MTSS1: variants seen among roughly 807,000 people sequenced by gnomAD.
MTSS1 encodes MTSS I-BAR domain containing 1, also known as protein MTSS 1.
MTSS1 carries 18 observed loss-of-function variants against 79.0 expected under a neutral mutation model. The ratio of observed to expected loss-of-function variants is 0.23; its 90% CI spans 0.16 to 0.34. The LOEUF (loss-of-function observed/expected upper bound fraction) is 0.34, where lower values mean the gene tolerates loss of function less well. Among genes scored for constraint, MTSS1 ranks in the 10% least tolerant of loss-of-function variants. MTSS1 has a pLI of 1.00. For missense variants in MTSS1, 815 were observed against 986.2 expected (o/e 0.83, Z 2.33); for synonymous variants, 341 against 368.6 (o/e 0.93, Z 0.86).
At chr8:124,567,378 TGGA>T (rs1368349124) in intron 7 of MTSS1, among the ~76,000 whole-genome samples, 200 bp from the exon 8 acceptor site, 6 of 152,240 alleles carry the variant, frequency 3.9e-5, no homozygotes, top group Non-Finnish European at 7.3e-5. Context: ...TCTGCCATAA[TGGA>T]GGAGTGACCT....
chr8:124,599,899 G>A (rs973435239), intron 3 of MTSS1, among the ~76,000 whole-genome samples: 11 of 152,148 alleles, frequency 7.2e-5, no homozygotes, highest in African/African-American at 2.4e-4. Context: ...TGAGCAGGAG[G>A]ATAAGCAGAG....
intron 3 of MTSS1, among the ~76,000 whole-genome samples, chr8:124,693,119 G>A (rs747781201): frequency 6.6e-6 from 1 of 152,064 alleles, no homozygotes; most frequent in Non-Finnish European, 1.5e-5. Context: ...CAAACAGGGT[G>A]AAGAAGGGGA....
At chr8:124,596,862 C>T (rs35314147) in intron 3 of MTSS1, among the ~76,000 whole-genome samples, 9,130 of 152,128 alleles carry the variant, frequency 0.06, 378 homozygotes, top group East Asian at 0.17. Context: ...CCATAAGACA[C>T]GTGTGAAGGC....
chr8:124,695,865 TTG>T (rs1491296404), intron 3 of MTSS1, among the ~76,000 whole-genome samples: 89 of 106,988 alleles, frequency 8.3e-4, no homozygotes, highest in Middle Eastern at 9.1e-3. Context: ...AAAACTAGTG[TTG>T]TTTTTTTTTT....
At chr8:124,556,175 G>A (rs757493607) in intron 12 of MTSS1, 57 bp downstream of exon 12, 4 of 1,611,078 alleles carry the variant, frequency 2.5e-6, no homozygotes, top group African/African-American at 1.3e-5. Flanking sequence ...TGGCCAGAAT[G>A]TGATCCCCAG....
intron 3 of MTSS1, among the ~76,000 whole-genome samples, chr8:124,651,004 ATATATT>A (rs772248348): frequency 7.5e-4 from 114 of 152,378 alleles, no homozygotes; most frequent in Non-Finnish European, 1.4e-3. Flanking sequence ...AAATAACTTA[ATATATT>A]TAAAGTGCTT....
chr8:124,577,441 G>T (rs6998800), intron 6 of MTSS1, among the ~76,000 whole-genome samples: 1,699 of 152,210 alleles, frequency 0.011, 26 homozygotes, highest in African/African-American at 0.031. Context: ...GTAGAGATAG[G>T]GTTTTGCCAT....
intron 3 of MTSS1, among the ~76,000 whole-genome samples, chr8:124,616,669 C>A (rs1836931668): frequency 6.6e-6 from 1 of 152,184 alleles, no homozygotes; most frequent in Non-Finnish European, 1.5e-5. Flanking sequence ...TCTTCAGCAA[C>A]TTCCCTGTCT....
chr8:124,665,944 C>A (rs1422457009), intron 3 of MTSS1, among the ~76,000 whole-genome samples: 1 of 151,966 alleles, frequency 6.6e-6, no homozygotes, highest in African/African-American at 2.4e-5. Context: ...TGATGAGTCT[C>A]ACGATTTTGG....
chr8:124,687,998 C>A (rs1827260277), intron 3 of MTSS1, among the ~76,000 whole-genome samples: 1 of 152,174 alleles, frequency 6.6e-6, no homozygotes, highest in African/African-American at 2.4e-5. Flanking sequence ...GGAAGTACCA[C>A]CCGGGCGGCT....
intron 3 of MTSS1, among the ~76,000 whole-genome samples, chr8:124,695,841 T>G (rs1417499737): frequency 6.6e-6 from 1 of 151,004 alleles, no homozygotes; most frequent in Non-Finnish European, 1.5e-5. Context: ...CATGTGTCAT[T>G]CCACATATTG....
intron 1 of MTSS1, among the ~76,000 whole-genome samples, chr8:124,714,872 G>T (rs1831697875): frequency 6.6e-6 from 1 of 152,046 alleles, no homozygotes; most frequent in African/African-American, 2.4e-5. Context: ...CCTAATACAG[G>T]GGCTGGCTGC....
chr8:124,682,819 G>T (rs1826346194), intron 3 of MTSS1, among the ~76,000 whole-genome samples: 1 of 152,218 alleles, frequency 6.6e-6, no homozygotes, highest in African/African-American at 2.4e-5. Flanking sequence ...ATATGACAAT[G>T]ATGGAATATG....
intron 3 of MTSS1, among the ~76,000 whole-genome samples, chr8:124,675,382 C>T (rs1825092153): frequency 6.6e-6 from 1 of 152,214 alleles, no homozygotes; most frequent in South Asian, 2.1e-4. Flanking sequence ...GTTTGGTTCT[C>T]CCTCTGACAC....
At chr8:124,586,871 G>A (rs1168275573) in intron 5 of MTSS1, among the ~76,000 whole-genome samples, 1 of 152,148 alleles carries the variant, frequency 6.6e-6, no homozygotes, top group Non-Finnish European at 1.5e-5. Context: ...TGGGAAGGAG[G>A]GGGAAATATT....
chr8:124,631,036 T>C (rs1815829194), intron 3 of MTSS1, among the ~76,000 whole-genome samples: 1 of 152,094 alleles, frequency 6.6e-6, no homozygotes, highest in African/African-American at 2.4e-5. Flanking sequence ...GCCAGAAACA[T>C]GTGTATAAGA....
At chr8:124,628,529 C>G (rs558263169) in intron 3 of MTSS1, among the ~76,000 whole-genome samples, 1 of 152,276 alleles carries the variant, frequency 6.6e-6, no homozygotes, top group Non-Finnish European at 1.5e-5. Flanking sequence ...CACCAGCCCC[C>G]ACAGCAGGTG....
At chr8:124,718,889 T>C (rs1832509753) in intron 1 of MTSS1, among the ~76,000 whole-genome samples, 1 of 152,144 alleles carries the variant, frequency 6.6e-6, no homozygotes. Flanking sequence ...GCCCAACAAC[T>C]TCATGTCCGT....
intron 3 of MTSS1, among the ~76,000 whole-genome samples, chr8:124,612,876 T>C (rs1158212271): frequency 6.6e-6 from 1 of 152,114 alleles, no homozygotes; most frequent in Non-Finnish European, 1.5e-5. Context: ...GTGAATTAAG[T>C]AAATAGGACA....
Sources: allele counts gnomAD v4.1 joint callset (sites outside exome capture counted in the v4.1 genomes callset), GRCh38; gene constraint gnomAD v4.1.1; transcripts MANE v1.5; gene names NCBI Gene and HGNC (gene_info 2026-07-23, HGNC 2026-07-21).